GRIK2: variants seen among roughly 807,000 people sequenced by gnomAD.
GRIK2 encodes glutamate receptor ionotropic, kainate 2.
GRIK2 carries 32 observed loss-of-function variants against 100.3 expected under a neutral mutation model. The ratio of observed to expected loss-of-function variants is 0.32; its 90% CI spans 0.24 to 0.43. The LOEUF is 0.43. GRIK2 is among the 20% of genes least tolerant of loss of function. GRIK2 has a pLI of 1.00. For missense variants in GRIK2, 843 were observed against 1,114.9 expected (o/e 0.76, Z 3.47); for synonymous variants, 417 against 389.4 (o/e 1.07, Z -0.83).
At chr6:101,816,637 G>A (rs554611276) in intron 9 of GRIK2, among the ~76,000 whole-genome samples, 2 of 152,304 alleles carry the variant, frequency 1.3e-5, no homozygotes, top group Non-Finnish European at 1.5e-5. Context: ...GTTGCAGTGA[G>A]CAGAGATTGC....
chr6:101,597,715 G>A (rs542672093), intron 2 of GRIK2, among the ~76,000 whole-genome samples: 15 of 151,812 alleles, frequency 9.9e-5, no homozygotes, highest in African/African-American at 3.6e-4. Flanking sequence ...GCATTCCTGT[G>A]CATACTCTGT....
chr6:101,608,509 C>A (rs2128312432), intron 2 of GRIK2, among the ~76,000 whole-genome samples: 1 of 151,810 alleles, frequency 6.6e-6, no homozygotes, highest in Admixed American at 6.6e-5. Flanking sequence ...TAGAAATATA[C>A]AAAATTGCTT....
At chr6:101,636,699 C>T (rs576691750) in intron 4 of GRIK2, among the ~76,000 whole-genome samples, 2 of 151,234 alleles carry the variant, frequency 1.3e-5, no homozygotes, top group East Asian at 3.9e-4. Flanking sequence ...CACACTAGAT[C>T]TAAAAATGTA....
chr6:101,917,802 A>G (rs77960300), intron 12 of GRIK2, among the ~76,000 whole-genome samples: 13,155 of 151,608 alleles, frequency 0.087, 789 homozygotes, highest in Middle Eastern at 0.2. Context: ...TGGAAATTAA[A>G]GTAAAAAGTA....
intron 11 of GRIK2, among the ~76,000 whole-genome samples, 179 bp from the exon 12 acceptor site, chr6:101,889,461 A>T (rs1232693667): frequency 1.3e-5 from 2 of 151,964 alleles, no homozygotes; most frequent in Non-Finnish European, 2.9e-5. Context: ...AATAAATCAG[A>T]TTCTTTACTT....
Position 101,538,612 on chromosome 6 carries a change from C to CTT in GRIK2, c.116-83327_116-83326dup, listed in dbSNP as rs201195114. On this transcript the variant is annotated intron_variant, in intron 2 of 16. Transcript: ENST00000369134. Reference sequence around the variant, plus strand: ...ATTGACACACAAATGCCCTCAGTATCTTTTTTTTTTTAAATTCAACCCTGC... The same window carrying CTT: ...ATTGACACACAAATGCCCTCAGTATCTTTTTTTTTTTTTAAATTCAACCCTGC... 1.6e-4 allele frequency among the ~76,000 whole-genome samples: 24 copies of CTT among 147,528 alleles called. 1 individual carries two copies. Among genetic ancestry groups the CTT allele is most frequent in the East Asian group, 9.9e-4 (5 of 5,030 alleles).
At chr6:101,741,206 A>C (rs762384877) in intron 7 of GRIK2, among the ~76,000 whole-genome samples, 32 of 141,626 alleles carry the variant, frequency 2.3e-4, no homozygotes, top group African/African-American at 8.7e-4. Context: ...TTGGAATTTT[A>C]AATAATTCAC....
At chr6:101,765,321 C>T (rs985322154) in intron 7 of GRIK2, among the ~76,000 whole-genome samples, 7 of 152,156 alleles carry the variant, frequency 4.6e-5, no homozygotes, top group African/African-American at 1.7e-4. Flanking sequence ...GTTTATCTCT[C>T]TAGCATTAGC....
rs910232949 is a variant in GRIK2 at position 101,875,504 on chromosome 6, A to AT, written c.1525-14126dup. Among the ~76,000 whole-genome samples, 397 of 148,800 alleles carry AT rather than the reference A, an allele frequency of 2.7e-3. 5 individuals are homozygous for AT. The highest frequency in any genetic ancestry group is 4.1e-3 in the East Asian group (21 of 5,078). ...ATGTTACAGTGCAATTGAGTAGGCT[A>AT]TTTTTTTTTTACAGAAATAACTACT... On this transcript the variant is annotated intron_variant, in intron 11 of 16. Transcript: ENST00000369134.
At chr6:101,585,284 T>C (rs1778304893) in intron 2 of GRIK2, among the ~76,000 whole-genome samples, 1 of 152,086 alleles carries the variant, frequency 6.6e-6, no homozygotes, top group Non-Finnish European at 1.5e-5. Flanking sequence ...TATTAAAATG[T>C]CTGAAATTGT....
intron 2 of GRIK2, among the ~76,000 whole-genome samples, chr6:101,497,637 A>T (rs1773518678): frequency 6.6e-6 from 1 of 152,096 alleles, no homozygotes; most frequent in African/African-American, 2.4e-5. Flanking sequence ...TATATACCTA[A>T]CATATTAAAG....
intron 7 of GRIK2, among the ~76,000 whole-genome samples, chr6:101,798,970 G>A (rs1024640211): frequency 2.0e-5 from 3 of 152,050 alleles, no homozygotes; most frequent in Non-Finnish European, 4.4e-5. Flanking sequence ...TTATTCATAT[G>A]GAAATCTTGG....
At position 101,463,849 on chromosome 6, in the gene GRIK2, T is replaced by A. The variant is rs531400801; in HGVS notation, c.115+64457T>A. Among the ~76,000 whole-genome samples, 74 of 149,472 alleles carry A rather than the reference T, an allele frequency of 5.0e-4. No homozygotes were observed. In the East Asian group the frequency reaches 5.0e-3, roughly 10 times the overall value. On this transcript the variant is annotated intron_variant, in intron 2 of 16. Transcript: ENST00000369134. ...GTATTGGTAATTAAAAAAAAAAAAA[T>A]TTCACTTTGTGTGATGGTTAATACT...
intron 14 of GRIK2, among the ~76,000 whole-genome samples, chr6:101,956,920 C>T (rs570814730): frequency 1.9e-4 from 29 of 150,904 alleles, no homozygotes; most frequent in African/African-American, 6.3e-4. Flanking sequence ...GTTTATTCCA[C>T]AACTTTACTA....
At chr6:101,754,908 A>G (rs2128386516) in intron 7 of GRIK2, among the ~76,000 whole-genome samples, 1 of 152,354 alleles carries the variant, frequency 6.6e-6, no homozygotes, top group African/African-American at 2.4e-5. Flanking sequence ...AAACAAAGAC[A>G]GATGAAAAGA....
At chr6:101,910,438 A>G (rs1280775852) in intron 12 of GRIK2, among the ~76,000 whole-genome samples, 1 of 151,312 alleles carries the variant, frequency 6.6e-6, no homozygotes, top group African/African-American at 2.4e-5. Flanking sequence ...AACATAAGAA[A>G]AAATATATTC....
chr6:101,540,575 A>T (rs1413340121), intron 2 of GRIK2, among the ~76,000 whole-genome samples: 6 of 151,992 alleles, frequency 3.9e-5, no homozygotes, highest in Non-Finnish European at 8.8e-5. Flanking sequence ...ATAAAAATGT[A>T]TGAGGAAGCA....
At chr6:101,564,873 A>G (rs896321505) in intron 2 of GRIK2, among the ~76,000 whole-genome samples, 2 of 151,980 alleles carry the variant, frequency 1.3e-5, no homozygotes, top group African/African-American at 4.8e-5. Flanking sequence ...TGTATGTTAC[A>G]CTCTGCCAAT....
intron 12 of GRIK2, among the ~76,000 whole-genome samples, chr6:101,914,005 CATAAAT>C (rs1788931823): frequency 1.3e-5 from 2 of 150,780 alleles, no homozygotes; most frequent in African/African-American, 4.9e-5. Context: ...ACTTAATAGT[CATAAAT>C]AGAAAAGACA....
Sources: allele counts gnomAD v4.1 joint callset (sites outside exome capture counted in the v4.1 genomes callset), GRCh38; gene constraint gnomAD v4.1.1; transcripts MANE v1.5; gene names NCBI Gene and HGNC (gene_info 2026-07-23, HGNC 2026-07-21).